SVIL: variants seen among roughly 807,000 people sequenced by gnomAD.
SVIL encodes the protein archvillin.
In SVIL, 101 loss-of-function variants were observed where a neutral mutation model predicts 240.4. The ratio of observed to expected loss-of-function variants is 0.42; its 90% CI spans 0.36 to 0.50. The LOEUF is 0.50. Ranked by LOEUF, SVIL falls within the 20% of genes least tolerant of loss-of-function variation. The pLI is 0.01. For missense variants in SVIL, 2,512 were observed against 2,818.7 expected, an observed-to-expected ratio of 0.89 and a Z score of 2.46; for synonymous variants, 999 against 1,100.0, an observed-to-expected ratio of 0.91 and a Z score of 1.82.
At chr10:29,473,668 T>C in intron 30 of SVIL, 170 bp downstream of exon 30, 1 of 758,184 alleles carries the variant, frequency 1.3e-6, no homozygotes, top group East Asian at 2.8e-5. Flanking sequence ...AGGAAAGAAA[T>C]GGGAGGCACA....
At chr10:29,463,352 T>C in intron 35 of SVIL, 140 bp downstream of exon 35, 1 of 1,111,734 alleles carries the variant, frequency 9.0e-7, no homozygotes, top group Non-Finnish European at 1.2e-6. Flanking sequence ...GGGAAAAAAT[T>C]GGTTTCATCA....
At chr10:29,461,937 C>T (rs2281943) in intron 36 of SVIL, among the ~76,000 whole-genome samples, 42,646 of 152,132 alleles carry the variant, frequency 0.28, 6,435 homozygotes, top group East Asian at 0.54. Flanking sequence ...CACATGGACA[C>T]TGAGAGACAA....
At chr10:29,541,747 T>A (rs370593949) in intron 6 of SVIL, among the ~76,000 whole-genome samples, 230 of 152,210 alleles carry the variant, frequency 1.5e-3, no homozygotes, top group African/African-American at 5.3e-3. Flanking sequence ...AATAAGGTAA[T>A]CGGGGACTTG....
chr10:29,615,679 T>C (rs1957403547), intron 1 of SVIL, among the ~76,000 whole-genome samples: 2 of 152,252 alleles, frequency 1.3e-5, no homozygotes, highest in African/African-American at 4.8e-5. Context: ...CATTCAAGTA[T>C]GTGTGTTCCA....
At chr10:29,592,019 G>A (rs986748822) in intron 1 of SVIL, among the ~76,000 whole-genome samples, 3 of 152,226 alleles carry the variant, frequency 2.0e-5, no homozygotes, top group African/African-American at 7.2e-5. Context: ...GGGAGGCTGA[G>A]GCAGATGGAT....
intron 1 of SVIL, among the ~76,000 whole-genome samples, chr10:29,715,279 C>T (rs74584777): frequency 0.081 from 12,267 of 152,140 alleles, 652 homozygotes; most frequent in African/African-American, 0.15. Flanking sequence ...ACCACCCATT[C>T]CATTTTCTTC....
chr10:29,496,266 C>T (rs1948436322), intron 18 of SVIL: 1 of 365,462 alleles, frequency 2.7e-6, no homozygotes, highest in South Asian at 2.1e-5. Flanking sequence ...TTGATGGTGT[C>T]AATAAAAGTT....
chr10:29,701,991 C>T (rs998755642), intron 1 of SVIL, among the ~76,000 whole-genome samples: 75 of 151,882 alleles, frequency 4.9e-4, no homozygotes, highest in African/African-American at 1.4e-3. Context: ...CTGGCCAAAA[C>T]GGTGAAACCC....
intron 24 of SVIL, 119 bp downstream of exon 24, chr10:29,487,044 T>C (rs1947473331): frequency 3.1e-6 from 4 of 1,277,444 alleles, no homozygotes; most frequent in Non-Finnish European, 4.3e-6. Context: ...TACCTATCCC[T>C]TCTCACTTGA....
At chr10:29,668,766 G>A (rs746350350) in intron 2 of SVIL, among the ~76,000 whole-genome samples, 47 of 152,228 alleles carry the variant, frequency 3.1e-4, no homozygotes, top group Non-Finnish European at 4.9e-4. Flanking sequence ...GAGTCACTGC[G>A]CCCAGCCAAA....
At chr10:29,688,320 AC>A (rs1177541230) in intron 1 of SVIL, among the ~76,000 whole-genome samples, 1 of 152,202 alleles carries the variant, frequency 6.6e-6, no homozygotes, top group Non-Finnish European at 1.5e-5. Context: ...GACCAGTGCA[AC>A]GTCAGAAGCC....
At chr10:29,656,294 G>A (rs952471709) in intron 3 of SVIL, among the ~76,000 whole-genome samples, 4 of 151,264 alleles carry the variant, frequency 2.6e-5, no homozygotes, top group Admixed American at 6.6e-5. Flanking sequence ...TATGCCACCC[G>A]CATAACTTGC....
intron 2 of SVIL, among the ~76,000 whole-genome samples, chr10:29,682,750 C>T (rs576392955): frequency 2.4e-4 from 36 of 152,320 alleles, no homozygotes; most frequent in Admixed American, 2.0e-3. Context: ...TGTATGTTAG[C>T]TACAGGAATG....
At position 29,674,474 on chromosome 10, in the gene SVIL, A is replaced by G. The variant is rs180975931; in HGVS notation, c.-301+12079T>C. Among the ~76,000 whole-genome samples the G allele has an allele frequency of 2.8e-3, 428 of 152,338 alleles. 3 individuals are homozygous for G. Among genetic ancestry groups the G allele is most frequent in the Admixed American group, 5.2e-3 (79 of 15,296 alleles). On this transcript the variant is annotated intron_variant, in intron 2 of 35. Coordinates refer to the SVIL transcript ENST00000375400. ...ATAAAGTTCCTGGCCTTACTGTAGT[A>G]AAATAAATTAGCTTAGAAAAATCTC...
chr10:29,470,831 A>C (rs1945491934), intron 31 of SVIL, among the ~76,000 whole-genome samples: 1 of 152,224 alleles, frequency 6.6e-6, no homozygotes, highest in Non-Finnish European at 1.5e-5. Flanking sequence ...GGTGCTGGTC[A>C]ACACAAAATT....
At chr10:29,555,346 G>GCACACA (rs1564633097) in intron 3 of SVIL, among the ~76,000 whole-genome samples, 29 of 94,096 alleles carry the variant, frequency 3.1e-4, no homozygotes, top group Non-Finnish European at 4.3e-4. Context: ...ACACACACAT[G>GCACACA]GACACACCCT....
chr10:29,554,318 T>A (rs541577174), intron 5 of SVIL, among the ~76,000 whole-genome samples: 6 of 150,174 alleles, frequency 4.0e-5, no homozygotes, highest in South Asian at 4.7e-4. Context: ...CTAAAAAAAA[T>A]AAAAATAAAA....
chr10:29,606,204 C>T (rs114576923), intron 1 of SVIL, among the ~76,000 whole-genome samples: 7,909 of 152,012 alleles, frequency 0.052, 332 homozygotes, highest in African/African-American at 0.097. Context: ...CCACAGCTCC[C>T]GGCCTATTTT....
At chr10:29,603,751 T>C (rs556414747) in intron 1 of SVIL, among the ~76,000 whole-genome samples, 1 of 152,248 alleles carries the variant, frequency 6.6e-6, no homozygotes, top group African/African-American at 2.4e-5. Context: ...AAAACAGATA[T>C]TGAAAAGAGC....
Sources: allele counts gnomAD v4.1 joint callset (sites outside exome capture counted in the v4.1 genomes callset), GRCh38; gene constraint gnomAD v4.1.1; transcripts MANE v1.5; gene names NCBI Gene and HGNC (gene_info 2026-07-23, HGNC 2026-07-21).